Variants in AP2B1 observed in about 807,000 individuals in gnomAD.
AP2B1 encodes AP-2 complex subunit beta.
A neutral mutation model predicts 102.0 loss-of-function variants in AP2B1; 23 were observed. The observed-to-expected ratio is 0.23, with a 90% CI of 0.16 to 0.32. The LOEUF is 0.32. Ranked by LOEUF, AP2B1 falls within the 10% of genes least tolerant of loss-of-function variation. The pLI is 1.00. For missense variants in AP2B1, 541 were observed against 1,157.4 expected, an observed-to-expected ratio of 0.47 and a Z score of 7.73; for synonymous variants, 381 against 421.2, an observed-to-expected ratio of 0.90 and a Z score of 1.17.
At chr17:35,647,314 C>G (rs1206882697) in intron 12 of AP2B1, among the ~76,000 whole-genome samples, 1 of 152,064 alleles carries the variant, frequency 6.6e-6, no homozygotes. Flanking sequence ...GCTTTGTTTT[C>G]AAATGAAGAT....
At chr17:35,612,878 G>GCACACACACACA (rs777131172) in intron 5 of AP2B1, among the ~76,000 whole-genome samples, 18 of 79,796 alleles carry the variant, frequency 2.3e-4, no homozygotes, top group African/African-American at 6.0e-4. Flanking sequence ...ATGTGTATGT[G>GCACACACACACA]CGCACACACA....
Position 35,725,087 on chromosome 17 carries a change from A to G in AP2B1, c.*1388A>G, listed in dbSNP as rs2085497290. On this transcript the variant is annotated 3_prime_UTR_variant, in exon 22 of 22. Coordinates refer to ENST00000610402, the MANE Select transcript of AP2B1 (RefSeq NM_001030006.2). ...TCATGATACTTAGTCTGCAGGGCAT[A>G]TTAAGATCATCCCAGAGGTTCAGGC... is the stretch of plus-strand genomic sequence containing the variant. 1 of 152,194 alleles carries G rather than the reference A, an allele frequency of 6.6e-6. No individual in the cohort carries two copies. Among genetic ancestry groups the G allele is most frequent in the Non-Finnish European group, 1.5e-5 (1 of 68,038 alleles). The allele number at this position is 152,194 out of a possible 1,614,324, so 9.4% of individuals were successfully genotyped here.
At chr17:35,590,563 A>G (rs1039283977) in intron 1 of AP2B1, among the ~76,000 whole-genome samples, 6 of 152,188 alleles carry the variant, frequency 3.9e-5, no homozygotes, top group Admixed American at 6.5e-5. Context: ...TTCTCTGCCA[A>G]TATGGTTAGG....
intron 14 of AP2B1, among the ~76,000 whole-genome samples, chr17:35,664,627 T>A (rs981847126): frequency 6.6e-6 from 1 of 152,190 alleles, no homozygotes; most frequent in Non-Finnish European, 1.5e-5. Context: ...TAAATTTATA[T>A]TTACGAAACA....
At chr17:35,693,655 GAA>G (rs1018035006) in intron 18 of AP2B1, among the ~76,000 whole-genome samples, 4 of 152,164 alleles carry the variant, frequency 2.6e-5, no homozygotes, top group African/African-American at 9.7e-5. Context: ...AATCACTTTT[GAA>G]AAGTGTGTGA....
At position 35,694,145 on chromosome 17, in the gene AP2B1, A is replaced by G. The variant is rs587694514; in HGVS notation, c.2454+11321A>G. 8.5e-5 allele frequency among the ~76,000 whole-genome samples: 13 copies of G among 152,334 alleles called. No individual in the cohort carries two copies. The East Asian group carries it at 2.3e-3, about 27-fold the overall frequency. ...TTATTGAATTTCTACTAGGTCTTCT[A>G]TGACATATTAAATTAGAGTGGAATT... On this transcript the variant is annotated intron_variant, in intron 18 of 21. Transcript: ENST00000610402.
At chr17:35,708,980 A>C (rs902977309) in intron 18 of AP2B1, among the ~76,000 whole-genome samples, 4 of 152,282 alleles carry the variant, frequency 2.6e-5, no homozygotes, top group Non-Finnish European at 4.4e-5. Context: ...CTGGTATACA[A>C]GTTGTGCCTT....
At chr17:35,670,950 G>A in intron 15 of AP2B1, 52 bp downstream of exon 15, 1 of 1,582,550 alleles carries the variant, frequency 6.3e-7, no homozygotes, top group Non-Finnish European at 8.7e-7. Context: ...CCTGTTTGAT[G>A]CCTTTCCTAT....
intron 5 of AP2B1, among the ~76,000 whole-genome samples, chr17:35,614,265 A>G (rs1330258978): frequency 2.6e-5 from 4 of 152,108 alleles, no homozygotes; most frequent in African/African-American, 9.7e-5. Context: ...TGGCTTGATC[A>G]TAGCTCAGTG....
intron 5 of AP2B1, among the ~76,000 whole-genome samples, chr17:35,620,900 A>G (rs1289421521): frequency 6.6e-6 from 1 of 152,194 alleles, no homozygotes; most frequent in Admixed American, 6.5e-5. Flanking sequence ...TTCTGTCAGT[A>G]TTTCCTAAGA....
At chr17:35,601,021 T>C (rs2073461696) in intron 3 of AP2B1, 3 of 985,046 alleles carry the variant, frequency 3.0e-6, no homozygotes, top group Non-Finnish European at 3.6e-6. Flanking sequence ...ATTGCTGTCC[T>C]GTGACCATCT....
intron 18 of AP2B1, among the ~76,000 whole-genome samples, chr17:35,690,910 T>G (rs587615809): frequency 5.5e-4 from 84 of 152,336 alleles, no homozygotes; most frequent in African/African-American, 1.9e-3. Context: ...TTTTCTTTCC[T>G]TCCTGCGATA....
At chr17:35,630,469 T>G (rs1203009709) in intron 9 of AP2B1, among the ~76,000 whole-genome samples, 1 of 152,252 alleles carries the variant, frequency 6.6e-6, no homozygotes, top group Non-Finnish European at 1.5e-5. Context: ...GAGATTTTGG[T>G]AGCATAAGAG....
At chr17:35,635,765 C>T (rs1263191256) in intron 9 of AP2B1, among the ~76,000 whole-genome samples, 10 of 152,138 alleles carry the variant, frequency 6.6e-5, no homozygotes, top group Admixed American at 3.3e-4. Context: ...GGCGCGATCT[C>T]GGCTCATTGC....
At chr17:35,703,480 C>T (rs587633551) in intron 18 of AP2B1, among the ~76,000 whole-genome samples, 7 of 152,166 alleles carry the variant, frequency 4.6e-5, no homozygotes, top group East Asian at 1.9e-4. Context: ...ACATGTATAC[C>T]GTGGAATACT....
intron 17 of AP2B1, among the ~76,000 whole-genome samples, chr17:35,675,860 A>G (rs1214403179): frequency 6.6e-6 from 1 of 152,070 alleles, no homozygotes; most frequent in Admixed American, 6.5e-5. Context: ...CTTTTATATC[A>G]GCAAATAACC....
At chr17:35,648,768 G>GTGTGTGTGTA (rs1387771394) in intron 12 of AP2B1, among the ~76,000 whole-genome samples, 1 of 145,444 alleles carries the variant, frequency 6.9e-6, no homozygotes, top group East Asian at 2.0e-4. Flanking sequence ...GTGTGTGTGT[G>GTGTGTGTGTA]TGTGTGACCC....
At chr17:35,691,202 T>C (rs1484142891) in intron 18 of AP2B1, among the ~76,000 whole-genome samples, 3 of 152,230 alleles carry the variant, frequency 2.0e-5, no homozygotes, top group Non-Finnish European at 4.4e-5. Flanking sequence ...GACACGATCT[T>C]ACAGTCCTGT....
intron 9 of AP2B1, among the ~76,000 whole-genome samples, chr17:35,634,271 T>C (rs2074543981): frequency 6.6e-6 from 1 of 152,234 alleles, no homozygotes; most frequent in South Asian, 2.1e-4. Flanking sequence ...GATTTGGCTG[T>C]TGTATCTTAG....
Sources: gnomAD v4.1 joint callset for allele counts (sites outside exome capture counted in the v4.1 genomes callset) on GRCh38, gnomAD v4.1.1 for gene constraint, MANE v1.5 for transcripts, NCBI Gene and HGNC (gene_info 2026-07-23, HGNC 2026-07-21) for gene names.